The following TMED3 variants were observed in gnomAD, a reference collection of about 807,000 sequenced individuals.
TMED3 encodes the protein transmembrane emp24 domain-containing protein 3.
A neutral mutation model predicts 15.0 loss-of-function variants in TMED3; 9 were observed. The observed-to-expected ratio is 0.60, with a 90% CI of 0.36 to 1.04. The LOEUF (loss-of-function observed/expected upper bound fraction) is 1.04, where lower values mean the gene tolerates loss of function less well. TMED3 is among the 50% of genes least tolerant of loss of function. The pLI is 0.01. For missense variants in TMED3, 267 were observed against 278.9 expected (o/e 0.96, Z 0.30); for synonymous variants, 117 against 121.4 (o/e 0.96, Z 0.24).
intron 2 of TMED3, among the ~76,000 whole-genome samples, chr15:79,369,093 TA>T (rs34005997): frequency 0.15 from 19,706 of 128,496 alleles, 1,297 homozygotes; most frequent in East Asian, 0.22. Flanking sequence ...GACTCTGTCT[TA>T]AAAAAAAAAA....
chr15:79,364,671 GAGAA>G (rs1278760083), intron 2 of TMED3, among the ~76,000 whole-genome samples: 1 of 151,908 alleles, frequency 6.6e-6, no homozygotes, highest in Non-Finnish European at 1.5e-5. Context: ...CGACACAGCA[GAGAA>G]AGAGAGAAGA....
chr15:79,386,653 C>T (rs1418185928), intron 2 of TMED3, among the ~76,000 whole-genome samples: 5 of 151,852 alleles, frequency 3.3e-5, no homozygotes, highest in Non-Finnish European at 7.4e-5. Flanking sequence ...AATTCTCTGC[C>T]TCAGCCTCCC....
At chr15:79,400,454 G>A (rs916423229) in intron 2 of TMED3, among the ~76,000 whole-genome samples, 3 of 152,134 alleles carry the variant, frequency 2.0e-5, no homozygotes, top group African/African-American at 7.2e-5. Context: ...CTTCCCCAAT[G>A]CCTCGAACAT....
chr15:79,317,152 T>G lies in TMED3; in HGVS notation c.417+3147T>G, dbSNP rs111702902. ...CCGTTACCCTCTTGGAACTGGTCCC[T>G]TTGCTATCACTGATCTGATCTGAGA... On this transcript the variant is annotated intron_variant, in intron 2 of 2. Coordinates refer to ENST00000299705, the MANE Select transcript of TMED3 (RefSeq NM_007364.4). Among the ~76,000 whole-genome samples the G allele has an allele frequency of 2.3e-4, 35 of 152,322 alleles. 1 individual carries two copies. Among genetic ancestry groups the G allele is most frequent in the African/African-American group, 7.9e-4 (33 of 41,556 alleles).
intron 2 of TMED3, among the ~76,000 whole-genome samples, chr15:79,330,505 C>G (rs1009121025): frequency 6.6e-6 from 1 of 152,076 alleles, no homozygotes; most frequent in Admixed American, 6.6e-5. Flanking sequence ...ACAAGGAAAA[C>G]TGCAAATCAC....
chr15:79,332,764 C>T (rs1396435458), intron 2 of TMED3, among the ~76,000 whole-genome samples: 1 of 152,206 alleles, frequency 6.6e-6, no homozygotes, highest in African/African-American at 2.4e-5. Context: ...TGGAGCACAG[C>T]TGGGTGACAT....
chr15:79,320,249 C>G lies in TMED3; in HGVS notation c.418-1729C>G, dbSNP rs192992007. On this transcript the variant is annotated intron_variant, in intron 2 of 2. Coordinates refer to ENST00000299705, the MANE Select transcript of TMED3 (RefSeq NM_007364.4). ...GCACTCTTGTCTTCTGGTCACTTCTCACTATGTCCCCTCAGCTCCTATCTC... is the reference window on the plus strand; with the variant it reads ...GCACTCTTGTCTTCTGGTCACTTCTGACTATGTCCCCTCAGCTCCTATCTC... 1.5e-3 allele frequency among the ~76,000 whole-genome samples: 221 copies of G among 152,336 alleles called. 2 individuals are homozygous for G. Among genetic ancestry groups the G allele is most frequent in the African/African-American group, 3.4e-3 (141 of 41,582 alleles).
rs889687577 is a variant in TMED3 at position 79,322,556 on chromosome 15, G to T, written c.*342G>T. On this transcript the variant is annotated 3_prime_UTR_variant, in exon 3 of 3. Transcript: ENST00000299705. ...GCCCAGGCCTCTTGGGCAGCTTAGG[G>T]CCCTGCCTCTGTTTCATGATGCATG... The T allele has an allele frequency of 2.7e-6, 3 of 1,108,840 alleles. No individual in the cohort carries two copies. The highest frequency in any genetic ancestry group is 3.3e-5 in the South Asian group (1 of 30,354). 68.7% of individuals were successfully genotyped at this position (1,108,840 alleles called of 1,614,324 possible).
chr15:79,340,907 T>G (rs1470033230), intron 2 of TMED3, among the ~76,000 whole-genome samples: 1 of 152,126 alleles, frequency 6.6e-6, no homozygotes, highest in African/African-American at 2.4e-5. Flanking sequence ...AGATAAAAGG[T>G]AATTTGCTGG....
At chr15:79,325,742 C>T (rs1207037166), downstream of TMED3, among the ~76,000 whole-genome samples, 6 of 152,212 alleles carry the variant, frequency 3.9e-5, no homozygotes, top group East Asian at 1.2e-3. Context: ...AGCCCAAGAG[C>T]CCCCAGCAGA....
intron 2 of TMED3, among the ~76,000 whole-genome samples, chr15:79,369,724 C>T (rs984398807): frequency 6.6e-6 from 1 of 152,216 alleles, no homozygotes; most frequent in African/African-American, 2.4e-5. Flanking sequence ...CCATCATTGG[C>T]CCTGAGTAGC....
chr15:79,390,476 G>T (rs1410935053), intron 2 of TMED3, among the ~76,000 whole-genome samples: 1 of 152,068 alleles, frequency 6.6e-6, no homozygotes, highest in Non-Finnish European at 1.5e-5. Flanking sequence ...TTGATATGTT[G>T]TTGGATTCGT....
intron 2 of TMED3, among the ~76,000 whole-genome samples, chr15:79,319,096 G>A (rs770163896): frequency 6.6e-6 from 1 of 152,222 alleles, no homozygotes; most frequent in Admixed American, 6.5e-5. Flanking sequence ...ACTCATGGGG[G>A]ACAAATAGGC....
intron 2 of TMED3, among the ~76,000 whole-genome samples, chr15:79,337,621 A>G (rs7178044): frequency 0.29 from 43,493 of 152,088 alleles, 6,284 homozygotes; most frequent in African/African-American, 0.32. Context: ...AGCTTGAATT[A>G]CTTCCCTTTT....
At chr15:79,409,511 G>A (rs746206310) in intron 2 of TMED3, among the ~76,000 whole-genome samples, 5 of 152,138 alleles carry the variant, frequency 3.3e-5, no homozygotes, top group East Asian at 1.9e-4. Context: ...AAATGGGCCC[G>A]CTAACATTAA....
At chr15:79,381,799 C>G (rs1000531739) in intron 2 of TMED3, among the ~76,000 whole-genome samples, 4 of 152,230 alleles carry the variant, frequency 2.6e-5, no homozygotes, top group African/African-American at 9.6e-5. Flanking sequence ...TCAACTCAGA[C>G]TGTTGACTTA....
At chr15:79,345,350 C>T (rs946166252) in intron 2 of TMED3, among the ~76,000 whole-genome samples, 6 of 152,102 alleles carry the variant, frequency 3.9e-5, no homozygotes, top group Non-Finnish European at 5.9e-5. Flanking sequence ...CTTTATGTGT[C>T]CATGTGTTCT....
At chr15:79,346,844 T>C (rs769838957) in intron 2 of TMED3, among the ~76,000 whole-genome samples, 4 of 152,130 alleles carry the variant, frequency 2.6e-5, no homozygotes, top group Non-Finnish European at 5.9e-5. Flanking sequence ...GTGGCCTTAC[T>C]TGAAACATCA....
chr15:79,372,577 A>G lies in TMED3; in HGVS notation c.418-38823A>G, dbSNP rs184606408. 2.4e-3 allele frequency among the ~76,000 whole-genome samples: 365 copies of G among 152,364 alleles called. 1 individual carries two copies. The highest frequency in any genetic ancestry group is 8.2e-3 in the African/African-American group (342 of 41,592). ...ACAAAGGCACATCTTATGTGGTGGC[A>G]GGCAGGAGAACATGCACAGGGGAAC... On this transcript the variant is annotated intron_variant, in intron 2 of 2. Coordinates refer to the TMED3 transcript ENST00000424155.
Sources: gnomAD v4.1 joint callset for allele counts (sites outside exome capture counted in the v4.1 genomes callset) on GRCh38, gnomAD v4.1.1 for gene constraint, MANE v1.5 for transcripts, NCBI Gene and HGNC (gene_info 2026-07-23, HGNC 2026-07-21) for gene names.